DTNA: variants seen among roughly 807,000 people sequenced by gnomAD.
DTNA encodes dystrobrevin alpha.
In DTNA, 43 loss-of-function variants were observed where a neutral mutation model predicts 100.7. That is an observed-to-expected ratio of 0.43 (90% confidence interval 0.33 to 0.55). The LOEUF (loss-of-function observed/expected upper bound fraction) is 0.55, where lower values mean the gene tolerates loss of function less well. DTNA is among the 20% of genes least tolerant of loss of function. The probability of loss-of-function intolerance (pLI) is 0.04; values close to 1 mark genes in which losing one functional copy is unlikely to be tolerated. For synonymous variants in DTNA, 349 were observed against 347.9 expected (o/e 1.00, Z -0.04); for missense variants, 798 against 953.9 (o/e 0.84, Z 2.15).
intron 4 of DTNA, among the ~76,000 whole-genome samples, chr18:34,798,399 T>C (rs2095073295): frequency 6.6e-6 from 1 of 152,134 alleles, no homozygotes; most frequent in South Asian, 2.1e-4. Flanking sequence ...AGACCCTCTA[T>C]TTTTACTTCT....
Position 34,875,972 on chromosome 18 carries a change from A to G in DTNA, c.1903+574A>G, listed in dbSNP as rs559894086. 6.6e-5 allele frequency among the ~76,000 whole-genome samples: 10 copies of G among 152,272 alleles called. No individual in the cohort carries two copies. In the South Asian group the frequency reaches 2.1e-3, roughly 32 times the overall value. ...CCATGACAGGGAGAGTAACTTTATT[A>G]ATTTAGAAATATTTTTAACACTTTT... On this transcript the variant is annotated intron_variant, in intron 18 of 22. Coordinates refer to ENST00000444659, the MANE Select transcript of DTNA (RefSeq NM_001386795.1).
chr18:34,872,956 A>G (rs140797177), intron 17 of DTNA, among the ~76,000 whole-genome samples: 8 of 152,362 alleles, frequency 5.3e-5, no homozygotes, highest in Admixed American at 1.3e-4. Flanking sequence ...TCTCTTGCTC[A>G]GAAACCTTGG....
chr18:34,541,900 G>A (rs1301894363), intron 1 of DTNA, among the ~76,000 whole-genome samples: 1 of 152,010 alleles, frequency 6.6e-6, no homozygotes, highest in Admixed American at 6.6e-5. Flanking sequence ...GTCTAGACCT[G>A]GTGATTGATT....
At chr18:34,624,669 C>T (rs9973194) in intron 1 of DTNA, among the ~76,000 whole-genome samples, 10,209 of 152,176 alleles carry the variant, frequency 0.067, 421 homozygotes, top group African/African-American at 0.079. Context: ...CTGTTAAATT[C>T]TTTTTATAAA....
At chr18:34,739,827 A>T (rs2090298296) in intron 1 of DTNA, among the ~76,000 whole-genome samples, 1 of 152,218 alleles carries the variant, frequency 6.6e-6, no homozygotes, top group Non-Finnish European at 1.5e-5. Flanking sequence ...AATGCAAAGT[A>T]GGGAACAGTA....
chr18:34,687,257 C>G (rs538527211), intron 1 of DTNA, among the ~76,000 whole-genome samples: 1 of 152,204 alleles, frequency 6.6e-6, no homozygotes, highest in South Asian at 2.1e-4. Context: ...TAGCTCTTTC[C>G]TGCTTTCTCC....
At chr18:34,557,681 GGGGGTCA>G (rs1462095486) in intron 1 of DTNA, among the ~76,000 whole-genome samples, 11 of 151,776 alleles carry the variant, frequency 7.2e-5, no homozygotes, top group Admixed American at 6.6e-4. Context: ...TAGGCTGCTC[GGGGGTCA>G]GGGGTCAGGG....
intron 13 of DTNA, among the ~76,000 whole-genome samples, chr18:34,847,208 G>C (rs748325293): frequency 2.0e-5 from 3 of 152,162 alleles, no homozygotes; most frequent in Non-Finnish European, 4.4e-5. Context: ...AATTAGTAAC[G>C]CTTCTATTTG....
At chr18:34,603,680 G>A (rs959498876) in intron 1 of DTNA, among the ~76,000 whole-genome samples, 2 of 152,074 alleles carry the variant, frequency 1.3e-5, no homozygotes, top group Non-Finnish European at 2.9e-5. Context: ...TCTTCAGAAT[G>A]CAGAACTCTA....
At chr18:34,826,045 A>G (rs2095851806) in intron 9 of DTNA, among the ~76,000 whole-genome samples, 1 of 152,132 alleles carries the variant, frequency 6.6e-6, no homozygotes. Flanking sequence ...TATATCAAAG[A>G]TATGTCTTAG....
intron 1 of DTNA, among the ~76,000 whole-genome samples, chr18:34,748,442 C>G (rs1040831771): frequency 6.6e-6 from 1 of 152,070 alleles, no homozygotes; most frequent in African/African-American, 2.4e-5. Flanking sequence ...GGTTTCAGGT[C>G]TTAGAGATAA....
chr18:34,537,987 A>G (rs1015741), intron 1 of DTNA, among the ~76,000 whole-genome samples: 112,902 of 151,964 alleles, frequency 0.74, 43,734 homozygotes, highest in East Asian at 0.93. Context: ...AAGCAACATG[A>G]AAGTACAATA....
rs753878355 is a variant in DTNA at position 34,858,323 on chromosome 18, A to G, written c.1571A>G (p.His524Arg). 9.3e-6 allele frequency: 15 copies of G among 1,614,202 alleles called. No homozygotes were observed. The highest frequency in any genetic ancestry group is 1.2e-5 in the Non-Finnish European group (14 of 1,180,034). Residue 524 changes from histidine to arginine, a missense_variant, in exon 16 of 23, where the codon CAT becomes CGT. Around this residue, in one of 6 missense-constraint regions of DTNA, gnomAD observed 159 missense variants for 201.2 expected, o/e 0.79. Transcript: ENST00000444659. ...LQEIQRLRLEHEQASQPTPEK... is the reference protein window; with the variant it reads ...LQEIQRLRLEREQASQPTPEK... ...GAGATCCAGAGACTTCGGCTAGAGC[A>G]TGAACAAGCTTCTCAGCCCACGCCA...
chr18:34,822,846 C>CTTA (rs2095758965), intron 9 of DTNA, among the ~76,000 whole-genome samples: 1 of 151,962 alleles, frequency 6.6e-6, no homozygotes, highest in African/African-American at 2.4e-5. Context: ...CAAAATGTGT[C>CTTA]TTCTGAGAAA....
chr18:34,538,107 C>G (rs1169526440), intron 1 of DTNA, among the ~76,000 whole-genome samples: 5 of 152,044 alleles, frequency 3.3e-5, no homozygotes, highest in Non-Finnish European at 5.9e-5. Context: ...TTAATAAGAG[C>G]TACGCTCCGC....
At chr18:34,531,703 C>T (rs1385514857) in intron 1 of DTNA, among the ~76,000 whole-genome samples, 5 of 152,228 alleles carry the variant, frequency 3.3e-5, no homozygotes, top group South Asian at 2.1e-4. Context: ...TTGAAGTCAT[C>T]TTAAATTCAT....
chr18:34,743,514 A>T (rs918622410), intron 1 of DTNA, among the ~76,000 whole-genome samples: 22 of 152,288 alleles, frequency 1.4e-4, no homozygotes, highest in African/African-American at 5.3e-4. Context: ...AATATTACTA[A>T]ATTTAATATT....
chr18:34,781,610 A>G (rs866716251), intron 3 of DTNA, among the ~76,000 whole-genome samples: 13 of 152,102 alleles, frequency 8.5e-5, no homozygotes, highest in Admixed American at 4.6e-4. Flanking sequence ...AACCACCTAG[A>G]GATCTCTTCA....
intron 11 of DTNA, among the ~76,000 whole-genome samples, chr18:34,831,678 G>A (rs1439372442): frequency 2.0e-5 from 3 of 152,188 alleles, no homozygotes; most frequent in Admixed American, 1.3e-4. Flanking sequence ...TGAGGCAGGA[G>A]AATAACTTGA....
Sources: gnomAD v4.1 joint callset for allele counts (sites outside exome capture counted in the v4.1 genomes callset) on GRCh38, gnomAD v4.1.1 for gene constraint, gnomAD v4.1.1 regional missense constraint, MANE v1.5 for transcripts, NCBI Gene and HGNC (gene_info 2026-07-23, HGNC 2026-07-21) for gene names.